The following SEMA6D variants were observed in gnomAD, a reference collection of about 807,000 sequenced individuals.
SEMA6D encodes semaphorin-6D.
A neutral mutation model predicts 106.6 loss-of-function variants in SEMA6D; 35 were observed. The ratio of observed to expected loss-of-function variants is 0.33; its 90% CI spans 0.25 to 0.44. SEMA6D has a LOEUF of 0.44. Among genes scored for constraint, SEMA6D ranks in the 20% least tolerant of loss-of-function variants. The probability of loss-of-function intolerance (pLI) is 1.00; values close to 1 mark genes in which losing one functional copy is unlikely to be tolerated. For missense variants in SEMA6D, 1,185 were observed against 1,345.9 expected (o/e 0.88, Z 1.87); for synonymous variants, 499 against 487.7 (o/e 1.02, Z -0.31).
At position 47,562,977 on chromosome 15, in the gene SEMA6D, G is replaced by C. The variant is rs567582909; in HGVS notation, c.-86-37888G>C. ...GCATAAACACAAGATGGTATATCCAGTCAATGGATTACATTCAACAGCAAA... is the reference window on the plus strand; with the variant it reads ...GCATAAACACAAGATGGTATATCCACTCAATGGATTACATTCAACAGCAAA... On this transcript the variant is annotated intron_variant, in intron 3 of 19. Transcript: ENST00000558014. Among the ~76,000 whole-genome samples, 18 of 152,234 alleles carry C rather than the reference G, an allele frequency of 1.2e-4. No individual in the cohort carries two copies. The East Asian group carries it at 3.1e-3, about 26-fold the overall frequency.
chr15:47,266,464 G>A (rs886449996), intron 1 of SEMA6D, among the ~76,000 whole-genome samples: 1 of 152,040 alleles, frequency 6.6e-6, no homozygotes, highest in Non-Finnish European at 1.5e-5. Context: ...TACTTGGTGG[G>A]ATGGAGTGGG....
intron 2 of SEMA6D, among the ~76,000 whole-genome samples, chr15:47,436,843 G>A (rs1485644578): frequency 6.7e-6 from 1 of 149,982 alleles, no homozygotes; most frequent in Non-Finnish European, 1.5e-5. Context: ...CTGAGGTGGG[G>A]GGATCACTTA....
At chr15:47,464,034 A>G (rs908757359) in intron 2 of SEMA6D, among the ~76,000 whole-genome samples, 1 of 152,164 alleles carries the variant, frequency 6.6e-6, no homozygotes, top group Non-Finnish European at 1.5e-5. Context: ...CACCTGGATA[A>G]TGCAGAATGG....
At chr15:47,610,895 G>T (rs773365856) in intron 4 of SEMA6D, among the ~76,000 whole-genome samples, 14 of 152,288 alleles carry the variant, frequency 9.2e-5, no homozygotes, top group Middle Eastern at 3.4e-3. Flanking sequence ...TTTTGAAGTG[G>T]ATTAAGTTAT....
chr15:47,764,155 T>C lies in SEMA6D; in HGVS notation c.966-19T>C. ...CTTCATGTCGCCAGCCTCTTCCTGA[T>C]GATTTTCTTCCTTTTCAGCATCCCT... On this transcript the variant is annotated intron_variant, in intron 10 of 18. Transcript: ENST00000536845. 6.2e-7 allele frequency: 1 copy of C among 1,613,180 alleles called. No homozygotes were observed. The highest frequency in any genetic ancestry group is 8.5e-7 in the Non-Finnish European group (1 of 1,179,454).
At chr15:47,756,932 T>C (rs1268125257) in intron 1 of SEMA6D, among the ~76,000 whole-genome samples, 2 of 150,740 alleles carry the variant, frequency 1.3e-5, no homozygotes, top group East Asian at 1.9e-4. Flanking sequence ...TACAGCTTTA[T>C]GCAGAGACAG....
intron 3 of SEMA6D, among the ~76,000 whole-genome samples, chr15:47,518,943 G>C (rs2044479129): frequency 1.3e-5 from 2 of 151,900 alleles, no homozygotes; most frequent in African/African-American, 4.8e-5. Context: ...TAATAATAAA[G>C]GCCGGGCACA....
chr15:47,525,800 T>C (rs2044735900), intron 3 of SEMA6D, among the ~76,000 whole-genome samples: 1 of 152,216 alleles, frequency 6.6e-6, no homozygotes. Context: ...AAGGGAGCCT[T>C]GCAGGGGTCT....
intron 1 of SEMA6D, among the ~76,000 whole-genome samples, chr15:47,741,769 C>T (rs1469315881): frequency 6.6e-6 from 1 of 152,132 alleles, no homozygotes; most frequent in African/African-American, 2.4e-5. Flanking sequence ...AAAGTCTCTT[C>T]TGTTAGTAGA....
At chr15:47,578,847 C>T (rs2076204449) in intron 3 of SEMA6D, among the ~76,000 whole-genome samples, 1 of 151,786 alleles carries the variant, frequency 6.6e-6, no homozygotes, top group Admixed American at 6.6e-5. Flanking sequence ...TATGTCTTTA[C>T]AACAGTTGGG....
chr15:47,368,033 A>T (rs1053744777), intron 1 of SEMA6D, among the ~76,000 whole-genome samples: 4 of 152,078 alleles, frequency 2.6e-5, no homozygotes, highest in African/African-American at 9.7e-5. Flanking sequence ...AACATAAAAT[A>T]GTAGAAGAAC....
chr15:47,215,436 A>T (rs745796712), intron 1 of SEMA6D, among the ~76,000 whole-genome samples: 1 of 152,120 alleles, frequency 6.6e-6, no homozygotes, highest in Non-Finnish European at 1.5e-5. Context: ...CAAATAATGT[A>T]TGTGTTTTAA....
chr15:47,543,830 A>G (rs181421129), intron 3 of SEMA6D, among the ~76,000 whole-genome samples: 40 of 152,250 alleles, frequency 2.6e-4, no homozygotes, highest in African/African-American at 9.1e-4. Context: ...TACTTTCACT[A>G]TGCCCAAGTG....
At chr15:47,645,724 C>G (rs1280326959) in intron 4 of SEMA6D, among the ~76,000 whole-genome samples, 1 of 152,128 alleles carries the variant, frequency 6.6e-6, no homozygotes, top group Non-Finnish European at 1.5e-5. Flanking sequence ...ACTTCACATG[C>G]CAATCATAAG....
At chr15:47,410,367 C>T (rs937195943) in intron 1 of SEMA6D, among the ~76,000 whole-genome samples, 3 of 152,166 alleles carry the variant, frequency 2.0e-5, no homozygotes, top group African/African-American at 7.2e-5. Flanking sequence ...TCAAAACACA[C>T]TGGAACAAAT....
rs745371306 is a variant in SEMA6D, at chr15:47,580,457, GT to G, written c.-86-20404del. ...TATCTGAATCACCTGCAATAGATTTGTTTTGTTTTTTCATGTTTGTGGTTGT... is the reference window on the plus strand; with the variant it reads ...TATCTGAATCACCTGCAATAGATTTGTTTGTTTTTTCATGTTTGTGGTTGT... On this transcript the variant is annotated intron_variant, in intron 3 of 19. Coordinates refer to the SEMA6D transcript ENST00000558014. 2.6e-5 allele frequency among the ~76,000 whole-genome samples: 4 copies of G among 152,258 alleles called. No homozygotes were observed. In the East Asian group the frequency reaches 7.7e-4, roughly 29 times the overall value.
intron 1 of SEMA6D, among the ~76,000 whole-genome samples, chr15:47,354,804 T>A (rs1401085273): frequency 1.3e-5 from 2 of 151,968 alleles, no homozygotes; most frequent in Non-Finnish European, 2.9e-5. Context: ...ACACTGTCTC[T>A]CCATTGCTGG....
At chr15:47,328,852 T>C (rs1055222073) in intron 1 of SEMA6D, among the ~76,000 whole-genome samples, 11 of 152,348 alleles carry the variant, frequency 7.2e-5, no homozygotes, top group Admixed American at 1.3e-4. Flanking sequence ...CTTATATCTT[T>C]CTTTTCATTT....
At chr15:47,280,312 C>A (rs968628019) in intron 1 of SEMA6D, among the ~76,000 whole-genome samples, 2 of 151,602 alleles carry the variant, frequency 1.3e-5, no homozygotes, top group Non-Finnish European at 2.9e-5. Flanking sequence ...AGTTTATTTG[C>A]GTAGAGGTGT....
Sources: gnomAD v4.1 joint callset for allele counts (sites outside exome capture counted in the v4.1 genomes callset) on GRCh38, gnomAD v4.1.1 for gene constraint, MANE v1.5 for transcripts, NCBI Gene and HGNC (gene_info 2026-07-23, HGNC 2026-07-21) for gene names.